The following GANAB variants were observed in gnomAD, a reference collection of about 807,000 sequenced individuals.
GANAB encodes neutral alpha-glucosidase AB.
A neutral mutation model predicts 129.9 loss-of-function variants in GANAB; 35 were observed. The observed-to-expected ratio is 0.27, with a 90% CI of 0.21 to 0.36. The LOEUF (loss-of-function observed/expected upper bound fraction) is 0.36. Ranked by LOEUF, GANAB falls within the 10% of genes least tolerant of loss-of-function variation. The pLI, the probability that GANAB is intolerant of heterozygous loss-of-function variation, is 1.00. For synonymous variants in GANAB, 482 were observed against 451.8 expected (o/e 1.07, Z -0.85); for missense variants, 939 against 1,221.0 (o/e 0.77, Z 3.44).
At chr11:62,626,967 C>T in intron 19 of GANAB, 33 bp from the exon 20 acceptor site, 4 of 1,580,562 alleles carry the variant, frequency 2.5e-6, no homozygotes, top group Non-Finnish European at 2.6e-6. Flanking sequence ...GATACCGGAT[C>T]ACTCAGTGCA....
In GANAB at chr11:62,632,171, G is replaced by A. The variant is rs539645206; in HGVS notation, c.996+394C>T. ...GTTTTTCTAGTAGAGATGAGGTTTC[G>A]CCATGTTGGCCAGGCTGGTCTCCAA... On this transcript the variant is annotated intron_variant, in intron 9 of 23. Transcript: ENST00000356638. Among the ~76,000 whole-genome samples, 8 of 151,334 alleles carry A rather than the reference G, an allele frequency of 5.3e-5. No homozygotes were observed. In the South Asian group the frequency reaches 8.4e-4, roughly 16 times the overall value.
At chr11:62,629,103 C>G in intron 16 of GANAB, 91 bp from the exon 17 acceptor site, 2 of 1,556,230 alleles carry the variant, frequency 1.3e-6, no homozygotes, top group Non-Finnish European at 1.8e-6. Context: ...CTTGGACTCT[C>G]AACTCTCTTT....
At chr11:62,639,496 T>A in intron 2 of GANAB, 29 bp from the exon 3 acceptor site, 1 of 1,563,168 alleles carries the variant, frequency 6.4e-7, no homozygotes, top group Non-Finnish European at 8.8e-7. Flanking sequence ...GGAAGTAAGG[T>A]AAAGGCCACC....
intron 15 of GANAB, 141 bp from the exon 16 acceptor site, chr11:62,629,436 C>A: frequency 2.5e-6 from 2 of 788,244 alleles, no homozygotes; most frequent in East Asian, 2.5e-5. Flanking sequence ...AGGAGTGGAC[C>A]TCCCACACCC....
chr11:62,639,549 G>T, intron 2 of GANAB, 78 bp downstream of exon 2: 3 of 1,417,304 alleles, frequency 2.1e-6, no homozygotes, highest in Non-Finnish European at 3.0e-6. Context: ...GTGTCCTTAG[G>T]CACTCCATCT....
At position 62,634,045 on chromosome 11, in the gene GANAB, C is replaced by T. The variant is rs1943820463; in HGVS notation, c.561-531G>A. The T allele has an allele frequency of 9.0e-6, 4 of 445,108 alleles. No homozygotes were observed. In the Admixed American group the frequency reaches 1.6e-4, roughly 17 times the overall value. The allele number at this position is 445,108 out of a possible 1,614,324, so 27.6% of individuals were successfully genotyped here. On this transcript the variant is annotated intron_variant, in intron 5 of 23. Coordinates refer to ENST00000356638, the MANE Select transcript of GANAB (RefSeq NM_198334.3). ...GTGCCCCTCAGCTGAGAGTCAGGAA[C>T]CCCAGCAATAGGCAGCATCTCTCCA...
chr11:62,641,808 G>T (rs981791375), intron 1 of GANAB, among the ~76,000 whole-genome samples: 3 of 151,850 alleles, frequency 2.0e-5, no homozygotes, highest in African/African-American at 7.3e-5. Context: ...TTGAATTCCT[G>T]ACCTCAGGTG....
intron 19 of GANAB, 32 bp from the exon 20 acceptor site, chr11:62,626,966 T>A (rs1313316042): frequency 6.3e-7 from 1 of 1,585,010 alleles, no homozygotes; most frequent in South Asian, 1.1e-5. Flanking sequence ...AGATACCGGA[T>A]CACTCAGTGC....
Position 62,630,683 on chromosome 11 carries a change from C to T in GANAB, c.1304G>A (p.Gly435Asp). The change falls in exon 11 of 24, where the codon GGC (glycine) becomes GAC (aspartate). Residue 435 changes from glycine to aspartate, a missense_variant. Transcript: ENST00000356638. Reference protein sequence around the residue: ...VIWLDIEHADGKRYFTWDPSR... With the variant: ...VIWLDIEHADDKRYFTWDPSR... The stretch of plus-strand genomic sequence containing the variant: ...GGGGTCCCAGGTGAAATACCGCTTG[C>T]CATCAGCATGTTCAATGTCTAGCCA... 2 of 1,614,174 alleles carry T rather than the reference C, an allele frequency of 1.2e-6. No homozygotes were observed. The highest frequency in any genetic ancestry group is 1.7e-6 in the Non-Finnish European group (2 of 1,180,016).
rs139573291 is a variant in GANAB at position 62,627,706 on chromosome 11, C to T, written c.2181-353G>A. Among the ~76,000 whole-genome samples, 947 of 152,056 alleles carry T rather than the reference C, an allele frequency of 6.2e-3. 2 individuals carry two copies. The highest frequency in any genetic ancestry group is 8.9e-3 in the Non-Finnish European group (607 of 67,992). On this transcript the variant is annotated intron_variant, in intron 17 of 23. Coordinates refer to ENST00000356638, the MANE Select transcript of GANAB (RefSeq NM_198334.3). ...CCAAGATCACACCATCGCACTCCAG[C>T]CTGGGGGACGAGAGTGAGACTTTGT...
At chr11:62,626,019 G>A (rs199853864) in intron 23 of GANAB, 46 bp downstream of exon 23, 13 of 1,516,290 alleles carry the variant, frequency 8.6e-6, no homozygotes, top group African/African-American at 4.1e-5. Context: ...AACCTGCCCC[G>A]GCTTCCCCTC....
intron 1 of GANAB, among the ~76,000 whole-genome samples, chr11:62,644,701 G>A (rs550883366): frequency 6.6e-6 from 1 of 152,180 alleles, no homozygotes; most frequent in African/African-American, 2.4e-5. Context: ...GCACACGTCT[G>A]TAATCCCAGG....
chr11:62,633,424 C>A (rs375886948), intron 6 of GANAB, 21 bp downstream of exon 6: 13 of 1,612,512 alleles, frequency 8.1e-6, no homozygotes, highest in Non-Finnish European at 1.1e-5. Flanking sequence ...ATCCTCCAAC[C>A]ACCCACCCGC....
Position 62,625,686 on chromosome 11 carries a change from T to C in GANAB, c.*129A>G, listed in dbSNP as rs559615967. The C allele has an allele frequency of 3.3e-5, 22 of 676,438 alleles. No individual in the cohort carries two copies. The East Asian group carries it at 4.9e-4, about 15-fold the overall frequency. The allele number at this position is 676,438 out of a possible 1,614,324, so 41.9% of individuals were successfully genotyped here. ...TCAGCCCTCTCATCCTGCCCAAATG[T>C]TGGCAGAATCTGGGTCTTAGACTAG... is the stretch of plus-strand genomic sequence containing the variant. On this transcript the variant is annotated 3_prime_UTR_variant, in exon 24 of 24. Coordinates refer to ENST00000356638, the MANE Select transcript of GANAB (RefSeq NM_198334.3).
chr11:62,645,310 G>T (rs1247260694), intron 1 of GANAB, among the ~76,000 whole-genome samples: 1 of 152,154 alleles, frequency 6.6e-6, no homozygotes, highest in Admixed American at 6.6e-5. Context: ...GCCGAGGCGG[G>T]TGGATCACGA....
intron 19 of GANAB, 24 bp from the exon 20 acceptor site, chr11:62,626,958 A>T: frequency 6.3e-7 from 1 of 1,595,336 alleles, no homozygotes; most frequent in South Asian, 1.1e-5. Context: ...AAGAGGTAAG[A>T]TACCGGATCA....
At chr11:62,630,311 AG>A (rs1943606139) in intron 12 of GANAB, 35 bp from the exon 13 acceptor site, 4 of 1,612,874 alleles carry the variant, frequency 2.5e-6, no homozygotes. Context: ...CAATCCCCTA[AG>A]GGGCAAAAGA....
At chr11:62,630,027 G>C in intron 13 of GANAB, 70 bp from the exon 14 acceptor site, 1 of 1,527,206 alleles carries the variant, frequency 6.5e-7, no homozygotes. Flanking sequence ...TGTCAGAGAA[G>C]AGAGCTCCTA....
chr11:62,639,520 A>T, intron 2 of GANAB, 53 bp from the exon 3 acceptor site: 7 of 1,484,502 alleles, frequency 4.7e-6, no homozygotes, highest in East Asian at 2.3e-5. Context: ...AATGTCCCTA[A>T]GTCAGTCTAT....
Sources: gnomAD v4.1 joint callset for allele counts (sites outside exome capture counted in the v4.1 genomes callset) on GRCh38, gnomAD v4.1.1 for gene constraint, MANE v1.5 for transcripts, NCBI Gene and HGNC (gene_info 2026-07-23, HGNC 2026-07-21) for gene names.